Variants in SASH1 observed in about 807,000 individuals in gnomAD.
SASH1 encodes the protein SAM and SH3 domain containing 1.
In SASH1, 44 loss-of-function variants were observed where a neutral mutation model predicts 125.2. The ratio of observed to expected loss-of-function variants is 0.35; its 90% confidence interval spans 0.28 to 0.45. The LOEUF (loss-of-function observed/expected upper bound fraction) is 0.45, where lower values mean the gene tolerates loss of function less well. SASH1 is among the 20% of genes least tolerant of loss of function. The pLI is 1.00. For synonymous variants in SASH1, 639 were observed against 649.1 expected (o/e 0.98, Z 0.24); for missense variants, 1,426 against 1,614.5 (o/e 0.88, Z 2.00).
intron 2 of SASH1, among the ~76,000 whole-genome samples, chr6:148,394,710 T>A (rs1054394761): frequency 6.6e-6 from 1 of 152,174 alleles, no homozygotes; most frequent in Non-Finnish European, 1.5e-5. Flanking sequence ...ATTGGCGCAA[T>A]CTCAGCTCAC....
At chr6:148,524,112 TA>T (rs1232852835) in intron 10 of SASH1, among the ~76,000 whole-genome samples, 8,017 of 115,970 alleles carry the variant, frequency 0.069, 262 homozygotes, top group African/African-American at 0.096. Context: ...TATATATATA[TA>T]TATATATATT....
chr6:148,352,111 A>C (rs188741530), intron 1 of SASH1, among the ~76,000 whole-genome samples: 13 of 152,354 alleles, frequency 8.5e-5, no homozygotes, highest in Non-Finnish European at 1.8e-4. Context: ...TAGAAAACTG[A>C]TAGGTAGAAT....
At chr6:148,377,207 A>AAC (rs1562363267) in intron 1 of SASH1, among the ~76,000 whole-genome samples, 1 of 83,992 alleles carries the variant, frequency 1.2e-5, no homozygotes, top group African/African-American at 5.0e-5. Context: ...AAAAAAAAAC[A>AAC]AAACAAACAA....
intron 8 of SASH1, among the ~76,000 whole-genome samples, chr6:148,506,846 G>C (rs1779828505): frequency 6.6e-6 from 1 of 152,222 alleles, no homozygotes; most frequent in African/African-American, 2.4e-5. Context: ...CTTGGATGAA[G>C]AAAGGTCTTG....
At chr6:148,455,157 C>A (rs1251883902) in intron 4 of SASH1, among the ~76,000 whole-genome samples, 1 of 152,166 alleles carries the variant, frequency 6.6e-6, no homozygotes, top group African/African-American at 2.4e-5. Context: ...CTGCACATCA[C>A]AATTACTTGG....
chr6:148,353,570 G>A (rs980738841), intron 1 of SASH1, among the ~76,000 whole-genome samples: 4 of 151,618 alleles, frequency 2.6e-5, no homozygotes, highest in Non-Finnish European at 4.4e-5. Flanking sequence ...GAGTAGCTGG[G>A]ATTACAGGCA....
intron 1 of SASH1, among the ~76,000 whole-genome samples, chr6:148,321,618 A>C (rs1015874303): frequency 6.6e-6 from 1 of 152,158 alleles, no homozygotes; most frequent in Non-Finnish European, 1.5e-5. Context: ...ATACCAGCCT[A>C]CTTATGTGTC....
intron 1 of SASH1, among the ~76,000 whole-genome samples, chr6:148,294,318 A>G (rs79404490): frequency 0.018 from 2,802 of 152,354 alleles, 71 homozygotes; most frequent in African/African-American, 0.064. Flanking sequence ...GGCAGAATCC[A>G]GGAACGGTTG....
At chr6:148,229,210 A>C in the SASH1 span, among the ~76,000 whole-genome samples, 6 of 152,008 alleles carry the variant, frequency 3.9e-5, no homozygotes, top group Admixed American at 6.6e-5. Flanking sequence ...AAATTTTAAA[A>C]TAAATGTAAA....
chr6:148,446,088 C>CTTTTTTTTTTTTTTTTTTT (rs576798745), intron 4 of SASH1, among the ~76,000 whole-genome samples: 3 of 71,002 alleles, frequency 4.2e-5, no homozygotes, highest in Non-Finnish European at 5.3e-5. Flanking sequence ...ACATAGGGTT[C>CTTTTTTTTTTTTTTTTTTT]TTTTTTTTTT....
At chr6:148,369,365 T>C (rs941468164) in intron 1 of SASH1, among the ~76,000 whole-genome samples, 22 of 152,224 alleles carry the variant, frequency 1.4e-4, no homozygotes, top group African/African-American at 5.3e-4. Flanking sequence ...GGTGATTTCA[T>C]TATGATGCAG....
intron 1 of SASH1, among the ~76,000 whole-genome samples, chr6:148,389,363 G>A (rs1416233424): frequency 2.6e-5 from 4 of 152,180 alleles, no homozygotes; most frequent in Admixed American, 6.5e-5. Flanking sequence ...GAGCAATTAC[G>A]TGGCACTTGC....
At chr6:148,405,326 A>C (rs1025170942) in intron 2 of SASH1, among the ~76,000 whole-genome samples, 6 of 152,080 alleles carry the variant, frequency 3.9e-5, no homozygotes, top group African/African-American at 1.4e-4. Flanking sequence ...GAGCAGGAAG[A>C]AAGGAGAATA....
At chr6:148,328,833 AT>A (rs1780912173) in intron 1 of SASH1, among the ~76,000 whole-genome samples, 1 of 152,160 alleles carries the variant, frequency 6.6e-6, no homozygotes, top group Admixed American at 6.6e-5. Flanking sequence ...TCATACAAGC[AT>A]TTTACTATTT....
the SASH1 span, among the ~76,000 whole-genome samples, chr6:148,231,716 A>G: frequency 3.3e-5 from 5 of 152,098 alleles, no homozygotes; most frequent in African/African-American, 9.7e-5. Flanking sequence ...TAAGCTCAGT[A>G]TAAGGACGAC....
chr6:148,313,283 G>A (rs964908283), intron 1 of SASH1, among the ~76,000 whole-genome samples: 6 of 152,104 alleles, frequency 3.9e-5, no homozygotes, highest in East Asian at 1.9e-4. Context: ...GTATTCACCC[G>A]GAGAAAATTC....
chr6:148,346,209 T>A (rs567143156), intron 1 of SASH1, among the ~76,000 whole-genome samples: 1 of 152,320 alleles, frequency 6.6e-6, no homozygotes, highest in African/African-American at 2.4e-5. Flanking sequence ...ATTTTGTTGG[T>A]TATAACCCAG....
rs878926428 is a variant in SASH1 at position 148,533,699 on chromosome 6, A to G, written c.1735-72A>G. On this transcript the variant is annotated intron_variant, in intron 14 of 19. Transcript: ENST00000367467. This position sits in a 1 kb window ranked among gnomAD's most constrained non-coding sequence, Gnocchi z 6.2. ...ATCTTCACTTCTGCATGACCTGTGT[A>G]TCTGACAGATTCTTGATTTGTACGT... The G allele has an allele frequency of 3.7e-5, 52 of 1,400,288 alleles. No homozygotes were observed. The Middle Eastern group carries it at 7.6e-4, about 20-fold the overall frequency. 86.7% of individuals were successfully genotyped at this position (1,400,288 alleles called of 1,614,324 possible). A position where few individuals can be genotyped will look rare whatever the true frequency, so the allele number is the denominator to read the frequency against.
At chr6:148,425,111 A>T (rs1330385473) in intron 2 of SASH1, among the ~76,000 whole-genome samples, 1 of 152,110 alleles carries the variant, frequency 6.6e-6, no homozygotes, top group Non-Finnish European at 1.5e-5. Flanking sequence ...CATGGAAGAG[A>T]TGAATTGAAG....
Sources: gnomAD v4.1 joint callset for allele counts (sites outside exome capture counted in the v4.1 genomes callset) on GRCh38, gnomAD v4.1.1 for gene constraint, Gnocchi (gnomAD v3.1) non-coding constraint, MANE v1.5 for transcripts, NCBI Gene and HGNC (gene_info 2026-07-23, HGNC 2026-07-21) for gene names.